Variants in FAM184B observed in about 807,000 individuals in gnomAD.
The protein encoded by FAM184B is family with sequence similarity 184 member B, also known as protein FAM184B.
Under a neutral mutation model 135.9 loss-of-function variants are expected in FAM184B, and 111 were observed. The observed-to-expected ratio is 0.82, with a 90% CI of 0.70 to 0.96. The LOEUF (loss-of-function observed/expected upper bound fraction) is 0.96. Ranked by LOEUF, FAM184B falls within the 40% of genes least tolerant of loss-of-function variation. The pLI is 0.00. For synonymous variants in FAM184B, 552 were observed against 524.8 expected (o/e 1.05, Z -0.71); for missense variants, 1,375 against 1,323.9 (o/e 1.04, Z -0.60).
rs1404658154 is a variant in FAM184B at position 17,709,304 on chromosome 4, C to T, written c.482G>A (p.Arg161Lys). ...MLELKADYERRLQHLTSHEAT... is the reference protein window; with the variant it reads ...MLELKADYERKLQHLTSHEAT... The stretch of plus-strand genomic sequence containing the variant: ...CTCGTGGCTCGTCAGGTGCTGGAGC[C>T]TCCTCTCGTAGTCAGCCTTGAGCTC... The change falls in exon 2 of 18, where the codon AGG (arginine) becomes AAG (lysine). Residue 161 changes from arginine (R) to lysine (K), a missense_variant. By Grantham distance (26) the Arg-to-Lys change is conservative. Coordinates refer to ENST00000265018, the MANE Select transcript of FAM184B (RefSeq NM_015688.2). 3 of 1,549,796 alleles carry T rather than the reference C, an allele frequency of 1.9e-6. No homozygotes were observed. Among genetic ancestry groups the T allele is most frequent in the Non-Finnish European group, 2.6e-6 (3 of 1,146,110 alleles).
At position 17,709,046 on chromosome 4, in the gene FAM184B, C is replaced by T. The variant is rs1717186202; in HGVS notation, c.740G>A (p.Trp247Ter). Residue 247 changes from tryptophan to a stop codon, truncating the protein, a stop_gained, in exon 2 of 18, where the codon TGG becomes TAG. Coordinates refer to ENST00000265018, the MANE Select transcript of FAM184B (RefSeq NM_015688.2). LOFTEE classifies it high-confidence loss of function. The part of the protein sequence containing the change: ...QQSVSQALWQ[W>*]QEKESDLRKN... ...GCGGAGGTCCGACTCCTTCTCCTGC[C>T]ACTGCCACAGGGCCTGGCTCACCGA... 5.2e-6 allele frequency: 8 copies of T among 1,550,502 alleles called. No individual in the cohort carries two copies. Among genetic ancestry groups the T allele is most frequent in the Non-Finnish European group, 7.0e-6 (8 of 1,146,966 alleles).
At chr4:17,753,962 T>A (rs375761327) in intron 1 of FAM184B, among the ~76,000 whole-genome samples, 1 of 152,194 alleles carries the variant, frequency 6.6e-6, no homozygotes, top group Non-Finnish European at 1.5e-5. Context: ...ACAGTTTACA[T>A]AACATCAAGG....
At chr4:17,700,761 T>A (rs1413365311) in intron 5 of FAM184B, among the ~76,000 whole-genome samples, 1 of 151,860 alleles carries the variant, frequency 6.6e-6, no homozygotes. Flanking sequence ...GCTGAAAAAA[T>A]TTCAAAGGAA....
intron 16 of FAM184B, 70 bp downstream of exon 16, chr4:17,634,939 G>T: frequency 9.2e-7 from 1 of 1,086,902 alleles, no homozygotes; most frequent in Non-Finnish European, 1.3e-6. Context: ...TAAATAACCT[G>T]TGGTTACCTT....
At chr4:17,645,163 A>C (rs1715432942) in intron 12 of FAM184B, among the ~76,000 whole-genome samples, 1 of 152,234 alleles carries the variant, frequency 6.6e-6, no homozygotes, top group South Asian at 2.1e-4. Context: ...TGCCCAAGGT[A>C]ATTTATAGAT....
At chr4:17,654,603 G>C (rs1401734366) in intron 10 of FAM184B, among the ~76,000 whole-genome samples, 1 of 152,242 alleles carries the variant, frequency 6.6e-6, no homozygotes, top group Non-Finnish European at 1.5e-5. Context: ...ATGGAGTCCA[G>C]GGCCCAAGCC....
Position 17,652,803 on chromosome 4 carries a change from C to T in FAM184B, c.2191+27G>A, listed in dbSNP as rs1213295337. 4 of 1,532,814 alleles carry T rather than the reference C, an allele frequency of 2.6e-6. No homozygotes were observed. The African/African-American group carries it at 4.1e-5, about 16-fold the overall frequency. The allele number at this position is 1,532,814 out of a possible 1,614,324, so 95.0% of individuals were successfully genotyped here. ...TGCAGACCCTGCAGTTGGCCAGGCC[C>T]TCCTCAGTACACTATTGGGTGTATA... is the stretch of plus-strand genomic sequence containing the variant. On this transcript the variant is annotated intron_variant, in intron 11 of 17. Coordinates refer to ENST00000265018, the MANE Select transcript of FAM184B (RefSeq NM_015688.2).
chr4:17,685,055 G>T (rs1055580999), intron 7 of FAM184B, among the ~76,000 whole-genome samples: 5 of 151,898 alleles, frequency 3.3e-5, no homozygotes, highest in Non-Finnish European at 7.4e-5. Context: ...GGAGGGTGTT[G>T]GGTTGAGGAG....
At chr4:17,692,421 A>G (rs1716760445) in intron 6 of FAM184B, among the ~76,000 whole-genome samples, 1 of 152,208 alleles carries the variant, frequency 6.6e-6, no homozygotes, top group Non-Finnish European at 1.5e-5. Context: ...GATTTTAGAA[A>G]TAGAAGGAGT....
chr4:17,717,531 G>T (rs771087552), intron 1 of FAM184B, among the ~76,000 whole-genome samples: 7 of 152,034 alleles, frequency 4.6e-5, no homozygotes, highest in Non-Finnish European at 8.8e-5. Flanking sequence ...TATGGGGGAG[G>T]CTGACTTCAG....
chr4:17,708,778 G>T, intron 2 of FAM184B, 114 bp downstream of exon 2: 5 of 1,014,898 alleles, frequency 4.9e-6, no homozygotes, highest in Non-Finnish European at 6.8e-6. Context: ...AGATAATAGG[G>T]CTCACCTCCG....
At chr4:17,763,594 A>AT (rs920293433) in intron 1 of FAM184B, among the ~76,000 whole-genome samples, 12 of 152,054 alleles carry the variant, frequency 7.9e-5, no homozygotes, top group African/African-American at 2.9e-4. Flanking sequence ...TGCAAGATGA[A>AT]TGTCACCACT....
At position 17,709,471 on chromosome 4, in the gene FAM184B, C is replaced by A. The variant is rs979701231; in HGVS notation, c.315G>T (p.Glu105Asp). The change falls in exon 2 of 18, where the codon GAG (glutamate) becomes GAT (aspartate). Residue 105 changes from glutamate (E) to aspartate (D), a missense_variant. Glu to Asp is a conservative substitution (Grantham distance 45). Coordinates refer to ENST00000265018, the MANE Select transcript of FAM184B (RefSeq NM_015688.2). Reference sequence around the variant, plus strand: ...GCCTCTTTTGCAGCTCCAGGGCGCTCTCCAGGGCCTGGATGCGCTGTAGAA... The same window carrying A: ...GCCTCTTTTGCAGCTCCAGGGCGCTATCCAGGGCCTGGATGCGCTGTAGAA... Reference protein sequence around the residue: ...EALLQRIQALESALELQKRLT... With the variant: ...EALLQRIQALDSALELQKRLT... 5.8e-6 allele frequency: 9 copies of A among 1,543,024 alleles called. No individual in the cohort carries two copies. In the African/African-American group the frequency reaches 1.2e-4, roughly 21 times the overall value.
intron 1 of FAM184B, among the ~76,000 whole-genome samples, chr4:17,730,213 G>GA (rs1717743852): frequency 6.6e-6 from 1 of 152,086 alleles, no homozygotes. Context: ...GAAGTTTAGA[G>GA]AAAAAAGAAT....
intron 7 of FAM184B, among the ~76,000 whole-genome samples, chr4:17,669,156 G>A (rs1347383868): frequency 6.6e-6 from 1 of 152,194 alleles, no homozygotes; most frequent in African/African-American, 2.4e-5. Context: ...AGGGCCCAGT[G>A]AGGTTGGTTC....
rs767851786 is a variant in FAM184B at position 17,688,452 on chromosome 4, C to T, written c.1568G>A (p.Arg523His). 29 of 1,550,544 alleles carry T rather than the reference C, an allele frequency of 1.9e-5. No individual in the cohort carries two copies. Among genetic ancestry groups the T allele is most frequent in the Non-Finnish European group, 2.4e-5 (27 of 1,146,672 alleles). ...GAEESPQELG[R>H]QHCSILETQD... ...GGTCTCCAGAATGCTGCAGTGCTGG[C>T]GGCCTAATTCCTGGGGACTTTCCTC... The change falls in exon 7 of 18, where the codon CGC becomes CAC. Residue 523 changes from arginine to histidine, a missense_variant. Transcript: ENST00000265018.
rs1250317786 is a variant in FAM184B, at chr4:17,642,037, G to C, written c.2519+19C>G. The C allele has an allele frequency of 6.6e-7, 1 of 1,517,266 alleles. No homozygotes were observed. Among genetic ancestry groups the C allele is most frequent in the South Asian group, 1.2e-5 (1 of 82,424 alleles). The allele number at this position is 1,517,266 out of a possible 1,614,324, so 94.0% of individuals were successfully genotyped here. ...GGGGGTGAGGGTGGCGCGGTGGCGGGGCGCGCCGGGTCACCCACCTGCGCT... is the reference window on the plus strand; with the variant it reads ...GGGGGTGAGGGTGGCGCGGTGGCGGCGCGCGCCGGGTCACCCACCTGCGCT... On this transcript the variant is annotated intron_variant, in intron 13 of 17. Coordinates refer to ENST00000265018, the MANE Select transcript of FAM184B (RefSeq NM_015688.2).
intron 7 of FAM184B, among the ~76,000 whole-genome samples, chr4:17,672,275 A>G (rs2108948288): frequency 6.6e-6 from 1 of 152,220 alleles, no homozygotes; most frequent in South Asian, 2.1e-4. Context: ...AATGCCAACT[A>G]AGAATACTAT....
At chr4:17,714,247 C>T (rs918524980) in intron 1 of FAM184B, among the ~76,000 whole-genome samples, 2 of 152,188 alleles carry the variant, frequency 1.3e-5, no homozygotes, top group African/African-American at 2.4e-5. Flanking sequence ...CATTTCCTAG[C>T]TCCTTTCATT....
Sources: gnomAD v4.1 joint callset for allele counts (sites outside exome capture counted in the v4.1 genomes callset) on GRCh38, gnomAD v4.1.1 for gene constraint, MANE v1.5 for transcripts, NCBI Gene and HGNC (gene_info 2026-07-23, HGNC 2026-07-21) for gene names.